Variants in UPRT observed in about 807,000 individuals in gnomAD.
The protein encoded by UPRT is uracil phosphoribosyltransferase homolog.
Under a neutral mutation model 22.6 loss-of-function variants are expected in UPRT, and 5 were observed. The observed-to-expected ratio is 0.22, with a 90% CI of 0.12 to 0.47. The LOEUF (loss-of-function observed/expected upper bound fraction) is 0.47, where lower values mean the gene tolerates loss of function less well. Among genes scored for constraint, UPRT ranks in the 20% least tolerant of loss-of-function variants. The pLI is 0.99. For synonymous variants in UPRT, 77 were observed against 87.7 expected, an observed-to-expected ratio of 0.88 and a Z score of 0.68; for missense variants, 181 against 239.9, an observed-to-expected ratio of 0.75 and a Z score of 1.62.
chrX:75,169,949 T>C lies in UPRT; in HGVS notation c.-447+2070T>C, dbSNP rs184559171. Among the ~76,000 whole-genome samples the C allele has an allele frequency of 3.3e-3, 363 of 110,896 alleles. 2 individuals carry two copies. The highest frequency in any genetic ancestry group is 0.011 in the African/African-American group (346 of 30,468). On this transcript the variant is annotated intron_variant, in intron 4 of 13. Transcript: ENST00000652605. Reference sequence around the variant, plus strand: ...GTAATTGTTTTATAAATTTGGGAGCTCCACTGTTAGGTGCATATATTCTTA... The same window carrying C: ...GTAATTGTTTTATAAATTTGGGAGCCCCACTGTTAGGTGCATATATTCTTA...
intron 4 of UPRT, among the ~76,000 whole-genome samples, chrX:75,233,804 AC>A (rs941061540): frequency 9.0e-6 from 1 of 111,532 alleles, no homozygotes; most frequent in Non-Finnish European, 1.9e-5. Flanking sequence ...ATGGAAAGGA[AC>A]AACCAATACC....
intron 4 of UPRT, among the ~76,000 whole-genome samples, chrX:75,216,092 A>G (rs868487725): frequency 3.9e-4 from 44 of 111,923 alleles, no homozygotes; most frequent in African/African-American, 1.3e-3. Flanking sequence ...AATATTTTTG[A>G]TGAACATAAA....
At chrX:75,238,861 T>G (rs181749330) in intron 4 of UPRT, among the ~76,000 whole-genome samples, 27 of 111,864 alleles carry the variant, frequency 2.4e-4, no homozygotes, top group Non-Finnish European at 4.1e-4. Context: ...TTCTGAATGA[T>G]CCTTTGGTCA....
chrX:75,172,912 C>A (rs994041119), intron 4 of UPRT, among the ~76,000 whole-genome samples: 1 of 110,929 alleles, frequency 9.0e-6, no homozygotes, highest in Non-Finnish European at 1.9e-5. Flanking sequence ...AGCGAAAGAA[C>A]AAATCTTCCA....
chrX:75,208,962 A>G (rs184413417), intron 4 of UPRT, among the ~76,000 whole-genome samples: 3 of 112,015 alleles, frequency 2.7e-5, no homozygotes, highest in East Asian at 2.8e-4. Flanking sequence ...TAAAATGGGT[A>G]GAATTGCCGG....
intron 4 of UPRT, among the ~76,000 whole-genome samples, chrX:75,194,809 G>C (rs913969861): frequency 5.4e-5 from 6 of 111,075 alleles, no homozygotes; most frequent in Non-Finnish European, 1.1e-4. Context: ...CTTTGTGCAC[G>C]TTCATGCAGG....
chrX:75,266,521 T>C (rs906425347), intron 4 of UPRT, among the ~76,000 whole-genome samples: 4 of 111,576 alleles, frequency 3.6e-5, no homozygotes, highest in African/African-American at 9.8e-5. Flanking sequence ...ATTCAGGACA[T>C]AGGCATTGGC....
chrX:75,234,848 C>T (rs1301088507), intron 4 of UPRT, among the ~76,000 whole-genome samples: 1 of 111,053 alleles, frequency 9.0e-6, no homozygotes, highest in African/African-American at 3.3e-5. Context: ...AGATCCAAAA[C>T]TGACACCTTA....
intron 4 of UPRT, among the ~76,000 whole-genome samples, chrX:75,260,416 AC>A (rs1363074252): frequency 8.9e-6 from 1 of 112,166 alleles, no homozygotes; most frequent in African/African-American, 3.2e-5. Flanking sequence ...GATCTACCAA[AC>A]AAATGGAAAG....
intron 1 of UPRT, among the ~76,000 whole-genome samples, chrX:75,284,758 A>AT (rs1301583822): frequency 3.6e-5 from 4 of 111,018 alleles, no homozygotes; most frequent in Admixed American, 1.9e-4. Context: ...TTAATGTTCT[A>AT]TTTTTTTGCT....
intron 4 of UPRT, among the ~76,000 whole-genome samples, chrX:75,231,731 G>A (rs768081659): frequency 7.9e-4 from 89 of 112,207 alleles, no homozygotes; most frequent in Middle Eastern, 4.6e-3. Context: ...AGAAAAACCT[G>A]TAAGATTAAC....
intron 1 of UPRT, among the ~76,000 whole-genome samples, chrX:75,289,563 T>C (rs1207628781): frequency 9.0e-6 from 1 of 111,276 alleles, no homozygotes; most frequent in African/African-American, 3.3e-5. Flanking sequence ...CAAACTATAC[T>C]ACAAGGCCAC....
chrX:75,217,099 G>C (rs750349999), intron 4 of UPRT, among the ~76,000 whole-genome samples: 1 of 111,913 alleles, frequency 8.9e-6, no homozygotes, highest in East Asian at 2.8e-4. Flanking sequence ...TGGTGGCCTT[G>C]GTCTGAGAAG....
chrX:75,189,171 G>T (rs1351447117), intron 4 of UPRT, among the ~76,000 whole-genome samples: 1 of 111,935 alleles, frequency 8.9e-6, no homozygotes, highest in Non-Finnish European at 1.9e-5. Context: ...CAGAGATTCT[G>T]GTATGTTGTG....
chrX:75,272,296 A>ATG (rs1348736189), upstream of UPRT, among the ~76,000 whole-genome samples: 1 of 17,075 alleles, frequency 5.9e-5, no homozygotes, highest in Non-Finnish European at 1.8e-3. Context: ...ACACATATAT[A>ATG]TGTGTATATA....
chrX:75,272,346 A>G (rs2082612945), upstream of UPRT, among the ~76,000 whole-genome samples: 2 of 85,247 alleles, frequency 2.3e-5, no homozygotes, highest in African/African-American at 1.1e-4. Context: ...ATATATATAC[A>G]CATATATATA....
At chrX:75,185,088 T>C (rs2082285180) in intron 4 of UPRT, among the ~76,000 whole-genome samples, 1 of 111,904 alleles carries the variant, frequency 8.9e-6, no homozygotes, top group Non-Finnish European at 1.9e-5. Flanking sequence ...AGGGCATCCC[T>C]GTCTTGTGCC....
intron 4 of UPRT, among the ~76,000 whole-genome samples, chrX:75,178,858 GAGTGGGTTGCCACTGCTGGCT>G (rs1362090634): frequency 9.0e-6 from 1 of 111,551 alleles, no homozygotes; most frequent in Non-Finnish European, 1.9e-5. Flanking sequence ...AAGGGGACCT[GAGTGGGTTGCCACTGCTGGCT>G]AGCGCAGCCT....
intron 2 of UPRT, among the ~76,000 whole-genome samples, chrX:75,295,435 T>TCACA: frequency 8.9e-6 from 1 of 111,825 alleles, no homozygotes. Context: ...AGATGGTGGC[T>TCACA]GGAAGTGAGT....
Sources: gnomAD v4.1 joint callset for allele counts (sites outside exome capture counted in the v4.1 genomes callset) on GRCh38, gnomAD v4.1.1 for gene constraint, MANE v1.5 for transcripts, NCBI Gene and HGNC (gene_info 2026-07-23, HGNC 2026-07-21) for gene names.